Variants in ARHGEF3 observed in about 807,000 individuals in gnomAD.
The protein encoded by ARHGEF3 is 59.8 kDA protein.
Under a neutral mutation model 63.2 loss-of-function variants are expected in ARHGEF3, and 28 were observed. The observed-to-expected ratio is 0.44, with a 90% CI of 0.33 to 0.61. The LOEUF (loss-of-function observed/expected upper bound fraction) is 0.61, where lower values mean the gene tolerates loss of function less well. Ranked by LOEUF, ARHGEF3 falls within the 20% of genes least tolerant of loss-of-function variation. ARHGEF3 has a pLI of 0.03. For missense variants in ARHGEF3, 533 were observed against 659.3 expected (o/e 0.81, Z 2.10); for synonymous variants, 266 against 254.2 (o/e 1.05, Z -0.44).
intron 1 of ARHGEF3, among the ~76,000 whole-genome samples, chr3:57,076,222 G>A (rs1015295142): frequency 1.3e-5 from 2 of 151,726 alleles, no homozygotes; most frequent in Non-Finnish European, 2.9e-5. Flanking sequence ...ACAGGAGCCT[G>A]AACAATACAT....
chr3:57,044,507 C>T (rs1704361640), intron 1 of ARHGEF3, among the ~76,000 whole-genome samples: 1 of 152,210 alleles, frequency 6.6e-6, no homozygotes, highest in Admixed American at 6.5e-5. Context: ...AGGCTAATGA[C>T]AGCATCGTAC....
At chr3:56,988,107 T>C (rs948674357) in intron 2 of ARHGEF3, among the ~76,000 whole-genome samples, 3 of 152,132 alleles carry the variant, frequency 2.0e-5, no homozygotes, top group Non-Finnish European at 4.4e-5. Flanking sequence ...CTTGGGACTT[T>C]AAGAGGGTTG....
intron 3 of ARHGEF3, among the ~76,000 whole-genome samples, chr3:56,953,986 T>C (rs1050253954): frequency 6.6e-6 from 1 of 152,220 alleles, no homozygotes; most frequent in Admixed American, 6.5e-5. Context: ...TCCTGACTAA[T>C]ATACAAGGTC....
At chr3:56,794,291 C>T (rs1220570391) in intron 1 of ARHGEF3, among the ~76,000 whole-genome samples, 10 of 151,916 alleles carry the variant, frequency 6.6e-5, no homozygotes, top group Admixed American at 5.9e-4. Flanking sequence ...AGTTCGAGAC[C>T]AGCCTGGCCA....
chr3:57,072,365 C>T (rs899237172), intron 1 of ARHGEF3, among the ~76,000 whole-genome samples: 1 of 151,548 alleles, frequency 6.6e-6, no homozygotes, highest in African/African-American at 2.4e-5. Context: ...GAAATGTATA[C>T]GGTCAAAGAA....
At chr3:57,073,920 G>A in intron 1 of ARHGEF3, 3 of 1,614,206 alleles carry the variant, frequency 1.9e-6, no homozygotes. Flanking sequence ...TCAGGGGGAT[G>A]TGTGCCAAAG....
chr3:56,930,949 C>T lies in ARHGEF3; in HGVS notation c.129+27874G>A, dbSNP rs112785975. Among the ~76,000 whole-genome samples the T allele has an allele frequency of 3.1e-3, 471 of 152,162 alleles. 4 individuals carry two copies. Among genetic ancestry groups the T allele is most frequent in the African/African-American group, 0.011 (444 of 41,502 alleles). On this transcript the variant is annotated intron_variant, in intron 3 of 12. Coordinates refer to the ARHGEF3 transcript ENST00000338458. ...AAGTATTTTAGTGGCACATATGCTG[C>T]GCCTCTTAGTCACTCTGGATAATGA...
At chr3:56,864,313 A>C (rs1683571366) in intron 4 of ARHGEF3, among the ~76,000 whole-genome samples, 1 of 152,234 alleles carries the variant, frequency 6.6e-6, no homozygotes, top group South Asian at 2.1e-4. Context: ...TCAAAGCAGC[A>C]TGTTCCATCC....
intron 1 of ARHGEF3, among the ~76,000 whole-genome samples, chr3:56,789,607 T>C (rs1187207381): frequency 1.3e-5 from 2 of 152,240 alleles, no homozygotes; most frequent in Non-Finnish European, 2.9e-5. Context: ...TGTAGAATTC[T>C]AATCCTAGAA....
chr3:56,845,918 A>C (rs914643928), intron 4 of ARHGEF3, among the ~76,000 whole-genome samples: 2 of 152,164 alleles, frequency 1.3e-5, no homozygotes, highest in African/African-American at 4.8e-5. Context: ...ATTCATTTTA[A>C]TTTCCCCAGT....
chr3:56,999,950 T>C (rs904606057), intron 2 of ARHGEF3, among the ~76,000 whole-genome samples: 2 of 152,176 alleles, frequency 1.3e-5, no homozygotes, highest in African/African-American at 2.4e-5. Flanking sequence ...AGTCCTGTTT[T>C]GCTCCATATG....
chr3:56,740,013 C>A (rs2107713034), intron 7 of ARHGEF3, among the ~76,000 whole-genome samples: 1 of 152,020 alleles, frequency 6.6e-6, no homozygotes, highest in Non-Finnish European at 1.5e-5. Context: ...GATTCTCCTG[C>A]CTCAGCCTCC....
At chr3:57,068,485 T>C (rs573346575) in intron 1 of ARHGEF3, among the ~76,000 whole-genome samples, 119 of 152,336 alleles carry the variant, frequency 7.8e-4, no homozygotes, top group African/African-American at 2.7e-3. Context: ...CAGGCAATCA[T>C]TTAAATAATT....
chr3:56,870,522 T>C (rs1458456041), intron 4 of ARHGEF3, among the ~76,000 whole-genome samples: 1 of 152,202 alleles, frequency 6.6e-6, no homozygotes, highest in Non-Finnish European at 1.5e-5. Flanking sequence ...GAAAGCATTC[T>C]GTATGAAACC....
intron 5 of ARHGEF3, 36 bp downstream of exon 5, chr3:56,751,264 T>C: frequency 6.3e-7 from 1 of 1,580,660 alleles, no homozygotes; most frequent in Non-Finnish European, 8.7e-7. Flanking sequence ...CAGTTAAGGC[T>C]ACAAGTCACG....
intron 4 of ARHGEF3, among the ~76,000 whole-genome samples, chr3:56,843,375 T>C (rs1298300057): frequency 1.3e-5 from 2 of 152,116 alleles, no homozygotes; most frequent in Non-Finnish European, 2.9e-5. Context: ...TCCCCCTGCC[T>C]CAGCTCCCAG....
intron 4 of ARHGEF3, among the ~76,000 whole-genome samples, chr3:56,854,923 A>G (rs1000238506): frequency 6.6e-6 from 1 of 152,176 alleles, no homozygotes; most frequent in African/African-American, 2.4e-5. Context: ...TCCAAGATGG[A>G]GTGGTCAGAA....
intron 1 of ARHGEF3, among the ~76,000 whole-genome samples, chr3:57,037,640 C>T (rs987790871): frequency 2.0e-5 from 3 of 152,122 alleles, no homozygotes; most frequent in African/African-American, 2.4e-5. Context: ...TTTGGGAGGC[C>T]GAGGCAGGCG....
At chr3:57,024,649 G>A (rs187113429) in intron 2 of ARHGEF3, among the ~76,000 whole-genome samples, 54 of 152,074 alleles carry the variant, frequency 3.6e-4, no homozygotes, top group African/African-American at 9.4e-4. Context: ...CACCACACCC[G>A]GCTAATTTTT....
Sources: allele counts gnomAD v4.1 joint callset (sites outside exome capture counted in the v4.1 genomes callset), GRCh38; gene constraint gnomAD v4.1.1; transcripts MANE v1.5; gene names NCBI Gene and HGNC (gene_info 2026-07-23, HGNC 2026-07-21).